Variants in RAD17 observed in about 807,000 individuals in gnomAD.
The protein encoded by RAD17 is cell cycle checkpoint protein RAD17.
Under a neutral mutation model 81.5 loss-of-function variants are expected in RAD17, and 31 were observed. The ratio of observed to expected loss-of-function variants is 0.38; its 90% CI spans 0.29 to 0.51. The LOEUF (loss-of-function observed/expected upper bound fraction) is 0.51, where lower values mean the gene tolerates loss of function less well. Ranked by LOEUF, RAD17 falls within the 20% of genes least tolerant of loss-of-function variation. The probability of loss-of-function intolerance (pLI) is 0.88; values close to 1 mark genes in which losing one functional copy is unlikely to be tolerated. For synonymous variants in RAD17, 261 were observed against 266.2 expected (o/e 0.98, Z 0.19); for missense variants, 681 against 781.2 (o/e 0.87, Z 1.53).
rs369253159 is a variant in RAD17, at chr5:69,374,027, T to A, written c.207T>A (p.Asn69Lys). The A allele has an allele frequency of 1.7e-5, 28 of 1,610,864 alleles. No individual in the cohort carries two copies. The highest frequency in any genetic ancestry group is 2.2e-5 in the Non-Finnish European group (26 of 1,178,058). The change falls in exon 5 of 19, where the codon AAT becomes AAA. Residue 69 changes from asparagine (N) to lysine (K), a missense_variant. Transcript: ENST00000354868. ...SSLEQIYGLE[N>K]SKEYLSENEP... ...TAGAACAGATTTATGGTTTAGAAAA[T>A]TCAAAAGAATATCTGTCTGAAAATG... is the stretch of plus-strand genomic sequence containing the variant.
upstream of RAD17, chr5:69,369,623 T>A: frequency 6.4e-7 from 1 of 1,571,856 alleles, no homozygotes; most frequent in South Asian, 1.2e-5. Flanking sequence ...GCCCCTAGCC[T>A]GCCCCGGCGG....
At chr5:69,378,100 C>T (rs1209900190) in intron 6 of RAD17, among the ~76,000 whole-genome samples, 8 of 152,078 alleles carry the variant, frequency 5.3e-5, no homozygotes, top group Admixed American at 5.2e-4. Context: ...ATGCCTGGCC[C>T]AAATCACTTA....
At chr5:69,371,288 A>G in intron 2 of RAD17, 117 bp downstream of exon 2, 1 of 507,784 alleles carries the variant, frequency 2.0e-6, no homozygotes, top group East Asian at 3.4e-5. Context: ...AGTCATTAAA[A>G]TTATTTTAGA....
At chr5:69,399,115 T>G (rs536810765) in intron 16 of RAD17, among the ~76,000 whole-genome samples, 1 of 152,014 alleles carries the variant, frequency 6.6e-6, no homozygotes, top group Admixed American at 6.6e-5. Flanking sequence ...AGGAAAAATT[T>G]TTTTTGTTTT....
intron 6 of RAD17, among the ~76,000 whole-genome samples, chr5:69,377,634 T>TATGCATATATATGCATATATATATGC (rs1763547336): frequency 9.0e-5 from 1 of 11,112 alleles, no homozygotes; most frequent in Non-Finnish European, 1.5e-4. Context: ...CATATATATG[T>TATGCATATATATGCATATATATATGC]ATACATATAT....
chr5:69,374,031 A>G lies in RAD17; in HGVS notation c.211A>G (p.Lys71Glu), dbSNP rs781748496. Residue 71 changes from lysine (K) to glutamate (E), a missense_variant, in exon 5 of 19, where the codon AAA (lysine) becomes GAA (glutamate). Transcript: ENST00000354868. ...ACAGATTTATGGTTTAGAAAATTCA[A>G]AAGAATATCTGTCTGAAAATGAACC... ...LEQIYGLENS[K>E]EYLSENEPWV... 1.8e-5 allele frequency: 29 copies of G among 1,611,292 alleles called. No individual in the cohort carries two copies. Among genetic ancestry groups the G allele is most frequent in the Non-Finnish European group, 2.3e-5 (27 of 1,178,294 alleles).
At chr5:69,401,520 C>G (rs929355015) in intron 17 of RAD17, among the ~76,000 whole-genome samples, 2 of 152,078 alleles carry the variant, frequency 1.3e-5, no homozygotes, top group Non-Finnish European at 2.9e-5. Context: ...ATTTCTGTTA[C>G]GAAATTATAA....
Position 69,391,941 on chromosome 5 carries a change from G to A in RAD17, c.1117G>A (p.Val373Ile), listed in dbSNP as rs1208309983. 1.9e-6 allele frequency: 3 copies of A among 1,594,580 alleles called. No homozygotes were observed. The highest frequency in any genetic ancestry group is 2.6e-6 in the Non-Finnish European group (3 of 1,174,024). ...KPDRVFENQE[V>I]QAIGGKDVSL... ...TGATAGGGTTTTTGAAAATCAAGAG[G>A]TCCAAGCTATTGGTGGCAAAGATGT... The change falls in exon 13 of 19, where the codon GTC becomes ATC. Residue 373 changes from valine (V) to isoleucine (I), a missense_variant. Val to Ile is a conservative substitution (Grantham distance 29). Coordinates refer to ENST00000354868, the MANE Select transcript of RAD17 (RefSeq NM_133338.3).
chr5:69,377,471 A>ACG (rs1763444312), intron 6 of RAD17, among the ~76,000 whole-genome samples: 22 of 5,698 alleles, frequency 3.9e-3, no homozygotes, highest in African/African-American at 4.8e-3. Context: ...ATATATATAT[A>ACG]TATACACACA....
chr5:69,377,903 C>T (rs937858621), intron 6 of RAD17, among the ~76,000 whole-genome samples: 10 of 151,752 alleles, frequency 6.6e-5, no homozygotes, highest in African/African-American at 1.9e-4. Context: ...GCAGTCCTCC[C>T]ACCTCAGCTT....
intron 18 of RAD17, among the ~76,000 whole-genome samples, chr5:69,411,168 T>C (rs922218059): frequency 4.6e-5 from 7 of 151,718 alleles, no homozygotes; most frequent in Non-Finnish European, 8.8e-5. Flanking sequence ...CCCAGCACTT[T>C]GGGAGCCCGA....
intron 6 of RAD17, among the ~76,000 whole-genome samples, chr5:69,380,369 T>C (rs933273979): frequency 6.6e-6 from 1 of 152,174 alleles, no homozygotes. Flanking sequence ...ACATGAGTGA[T>C]GTTTTGCATT....
chr5:69,414,482 A>G lies in RAD17; in HGVS notation c.*190A>G. On this transcript the variant is annotated 3_prime_UTR_variant, in exon 19 of 19. Coordinates refer to ENST00000354868, the MANE Select transcript of RAD17 (RefSeq NM_133338.3). ...AAGTAAATAGAAGATCAAGCCTTCA[A>G]ATCTCTTAATTTTTTCGGTATTTAT... 1.4e-6 allele frequency: 1 copy of G among 710,358 alleles called. No individual in the cohort carries two copies. Among genetic ancestry groups the G allele is most frequent in the South Asian group, 2.0e-5 (1 of 49,406 alleles). The allele number at this position is 710,358 out of a possible 1,614,324, so 44.0% of individuals were successfully genotyped here.
At chr5:69,393,964 A>T (rs764868742) in intron 15 of RAD17, among the ~76,000 whole-genome samples, 6 of 124,584 alleles carry the variant, frequency 4.8e-5, no homozygotes, top group Non-Finnish European at 9.5e-5. Flanking sequence ...TATGTTACCC[A>T]GTCTGGTCTT....
chr5:69,372,133 A>G lies in RAD17; in HGVS notation c.-76A>G. On this transcript the variant is annotated 5_prime_UTR_variant, in exon 4 of 19. The change creates a new upstream start codon in the 5' untranslated region. Transcript: ENST00000354868. ...CGAAAGTTTTACTATAATGAAAGAT[A>G]TTTTCATACTCTCAAAAATATAGAG... 1 of 1,523,252 alleles carries G rather than the reference A, an allele frequency of 6.6e-7. No homozygotes were observed. Among genetic ancestry groups the G allele is most frequent in the African/African-American group, 1.4e-5 (1 of 71,808 alleles). 94.4% of individuals were successfully genotyped at this position (1,523,252 alleles called of 1,614,324 possible). A position where few individuals can be genotyped will look rare whatever the true frequency, so the allele number is the denominator to read the frequency against.
At chr5:69,392,864 G>A (rs1764633380) in intron 13 of RAD17, 4 of 466,306 alleles carry the variant, frequency 8.6e-6, no homozygotes, top group South Asian at 7.5e-5. Context: ...GAGAAATCAA[G>A]GGAAGAAAGC....
rs774614688 is a variant in RAD17 at position 69,393,179 on chromosome 5, C to T, written c.1214C>T (p.Ser405Leu). Residue 405 changes from serine to leucine, a missense_variant, in exon 14 of 19, where the codon TCA becomes TTA. Transcript: ENST00000354868. ...GGAGCATCTTTAACAGAATTAGACT[C>T]ACCTCGGTTGCCCTCTCATTTATCA... ...CKRASLTELD[S>L]PRLPSHLSEY... 2 of 1,610,172 alleles carry T rather than the reference C, an allele frequency of 1.2e-6. No homozygotes were observed. Among genetic ancestry groups the T allele is most frequent in the African/African-American group, 2.7e-5 (2 of 74,804 alleles).
chr5:69,393,052 ATGTTGGTAT>A, intron 13 of RAD17, 94 bp from the exon 14 acceptor site: 1 of 655,910 alleles, frequency 1.5e-6, no homozygotes, highest in Non-Finnish European at 2.6e-6. Flanking sequence ...GTTTGTTACT[ATGTTGGTAT>A]TGTATGTCTA....
chr5:69,389,132 T>G lies in RAD17; in HGVS notation c.993T>G (p.Phe331Leu), dbSNP rs1189892872. 6.3e-7 allele frequency: 1 copy of G among 1,580,928 alleles called. No homozygotes were observed. Among genetic ancestry groups the G allele is most frequent in the African/African-American group, 1.4e-5 (1 of 73,608 alleles). The change falls in exon 12 of 19, where the codon TTT becomes TTG. Residue 331 changes from phenylalanine (F) to leucine (L), a missense_variant. Coordinates refer to ENST00000354868, the MANE Select transcript of RAD17 (RefSeq NM_133338.3). ...DIRSAINSLQ[F>L]SSSKGENNLR... ...GAAGTGCAATAAACAGCCTCCAGTT[T>G]TCTTCTTCAAAAGGTAACTATGGAA...
Sources: gnomAD v4.1 joint callset for allele counts (sites outside exome capture counted in the v4.1 genomes callset) on GRCh38, gnomAD v4.1.1 for gene constraint, MANE v1.5 for transcripts, NCBI Gene and HGNC (gene_info 2026-07-23, HGNC 2026-07-21) for gene names.